The following ACAP2 variants were observed in gnomAD, a reference collection of about 807,000 sequenced individuals.
ACAP2 encodes arf-GAP with coiled-coil, ANK repeat and PH domain-containing protein 2.
ACAP2 carries 39 observed loss-of-function variants against 115.8 expected under a neutral mutation model. That is an observed-to-expected ratio of 0.34 (90% CI 0.26 to 0.44). ACAP2 has a LOEUF of 0.44. Ranked by LOEUF, ACAP2 falls within the 20% of genes least tolerant of loss-of-function variation. The pLI is 1.00. For synonymous variants in ACAP2, 289 were observed against 315.8 expected (o/e 0.92, Z 0.90); for missense variants, 662 against 927.6 (o/e 0.71, Z 3.72).
At chr3:195,358,655 G>A (rs1454645509) in intron 4 of ACAP2, among the ~76,000 whole-genome samples, 1 of 151,940 alleles carries the variant, frequency 6.6e-6, no homozygotes, top group Non-Finnish European at 1.5e-5. Flanking sequence ...TGAGACTTAT[G>A]AGCCCTGTTT....
intron 4 of ACAP2, among the ~76,000 whole-genome samples, chr3:195,354,954 C>T (rs1455264760): frequency 6.6e-6 from 1 of 152,196 alleles, no homozygotes; most frequent in African/African-American, 2.4e-5. Context: ...ACCTGTACTT[C>T]CCAGGTTCGA....
At chr3:195,393,612 T>C (rs1342722335) in intron 1 of ACAP2, among the ~76,000 whole-genome samples, 3 of 152,236 alleles carry the variant, frequency 2.0e-5, no homozygotes, top group African/African-American at 4.8e-5. Context: ...TTTCAAACTA[T>C]GCATTGTCCC....
chr3:195,334,871 A>G (rs1730402560), intron 7 of ACAP2, among the ~76,000 whole-genome samples: 1 of 152,164 alleles, frequency 6.6e-6, no homozygotes, highest in Admixed American at 6.5e-5. Flanking sequence ...AAGATTATTC[A>G]TTAGAATGAT....
At chr3:195,370,198 T>C (rs1164907560) in intron 4 of ACAP2, among the ~76,000 whole-genome samples, 2 of 152,216 alleles carry the variant, frequency 1.3e-5, no homozygotes, top group East Asian at 1.9e-4. Flanking sequence ...CCACTGTAGG[T>C]TGTCTGTTTA....
chr3:195,309,357 C>G (rs1190561450), intron 10 of ACAP2, among the ~76,000 whole-genome samples: 1 of 152,124 alleles, frequency 6.6e-6, no homozygotes, highest in South Asian at 2.1e-4. Flanking sequence ...CCAGCCTGAC[C>G]AACATGGTGA....
chr3:195,430,798 G>A (rs926443910), intron 1 of ACAP2, among the ~76,000 whole-genome samples: 21 of 152,204 alleles, frequency 1.4e-4, no homozygotes, highest in African/African-American at 4.1e-4. Flanking sequence ...AAGTCAAGGC[G>A]AAAGAAATAT....
At chr3:195,311,750 T>C (rs1728784107) in intron 10 of ACAP2, among the ~76,000 whole-genome samples, 1 of 151,962 alleles carries the variant, frequency 6.6e-6, no homozygotes, top group Admixed American at 6.6e-5. Context: ...TTGGCCAAGC[T>C]GGTCTTGAAC....
chr3:195,302,285 A>G, intron 13 of ACAP2, 111 bp from the exon 14 acceptor site: 2 of 959,238 alleles, frequency 2.1e-6, no homozygotes, highest in Non-Finnish European at 3.1e-6. Flanking sequence ...AAGGCCTGTT[A>G]CAGGCATAAG....
At chr3:195,360,249 T>C (rs1332120960) in intron 4 of ACAP2, among the ~76,000 whole-genome samples, 1 of 151,788 alleles carries the variant, frequency 6.6e-6, no homozygotes, top group East Asian at 1.9e-4. Flanking sequence ...CAAAACAGAC[T>C]TCAAGAAAAA....
intron 2 of ACAP2, among the ~76,000 whole-genome samples, chr3:195,389,172 G>C: frequency 6.6e-6 from 1 of 152,104 alleles, no homozygotes; most frequent in Non-Finnish European, 1.5e-5. Flanking sequence ...CTTTGGGTAA[G>C]ACAGACTCTA....
intron 21 of ACAP2, 35 bp from the exon 22 acceptor site, chr3:195,285,892 TA>T: frequency 1.4e-6 from 2 of 1,452,882 alleles, no homozygotes; most frequent in Non-Finnish European, 1.9e-6. Context: ...TAGATGACAT[TA>T]TATAATATAA....
intron 1 of ACAP2, among the ~76,000 whole-genome samples, chr3:195,394,970 T>C (rs1347937349): frequency 6.9e-6 from 1 of 144,128 alleles, no homozygotes; most frequent in Non-Finnish European, 1.5e-5. Context: ...ATGAGGACTG[T>C]TCATATCATC....
chr3:195,409,368 A>G (rs1713062667), intron 1 of ACAP2, among the ~76,000 whole-genome samples: 1 of 152,176 alleles, frequency 6.6e-6, no homozygotes, highest in Non-Finnish European at 1.5e-5. Flanking sequence ...AAACACTTAG[A>G]AAATCACTTA....
At chr3:195,283,695 G>C (rs984576495) in intron 22 of ACAP2, among the ~76,000 whole-genome samples, 1 of 152,166 alleles carries the variant, frequency 6.6e-6, no homozygotes, top group African/African-American at 2.4e-5. Flanking sequence ...CCCTGTCTAA[G>C]CATAAAATCA....
In ACAP2 at chr3:195,431,186, G is replaced by A. The variant is rs557672673; in HGVS notation, c.53+11609C>T. Among the ~76,000 whole-genome samples the A allele has an allele frequency of 5.3e-5, 8 of 152,188 alleles. No homozygotes were observed. In the South Asian group the frequency reaches 1.5e-3, roughly 28 times the overall value. On this transcript the variant is annotated intron_variant, in intron 1 of 22. Transcript: ENST00000326793. ...TTTCATTTAGTAAAATGTTTCCAAG[G>A]TTCATCCATATTATGGCATATAACA...
At chr3:195,396,657 C>T (rs1711799106) in intron 1 of ACAP2, among the ~76,000 whole-genome samples, 1 of 151,518 alleles carries the variant, frequency 6.6e-6, no homozygotes, top group African/African-American at 2.4e-5. Flanking sequence ...CATGGTGGCG[C>T]ATGTCTGTAA....
At chr3:195,305,477 T>C (rs1439407642) in intron 13 of ACAP2, among the ~76,000 whole-genome samples, 1 of 152,182 alleles carries the variant, frequency 6.6e-6, no homozygotes, top group East Asian at 1.9e-4. Flanking sequence ...ATGCATGGAA[T>C]CACAAATGCC....
chr3:195,307,935 T>C (rs999711507), intron 11 of ACAP2, among the ~76,000 whole-genome samples: 2 of 152,152 alleles, frequency 1.3e-5, no homozygotes, highest in Non-Finnish European at 2.9e-5. Context: ...AGAGTAGAGA[T>C]TTGAAATCTG....
chr3:195,313,515 C>T (rs949666100), intron 10 of ACAP2, among the ~76,000 whole-genome samples: 4 of 152,120 alleles, frequency 2.6e-5, no homozygotes, highest in South Asian at 2.1e-4. Flanking sequence ...TTGCCCATCC[C>T]GTTTTCATGA....
Sources: allele counts gnomAD v4.1 joint callset (sites outside exome capture counted in the v4.1 genomes callset), GRCh38; gene constraint gnomAD v4.1.1; transcripts MANE v1.5; gene names NCBI Gene and HGNC (gene_info 2026-07-23, HGNC 2026-07-21).